Variants in YPEL3 observed in about 807,000 individuals in gnomAD.
The protein encoded by YPEL3 is protein yippee-like 3.
In YPEL3, 5 loss-of-function variants were observed where a neutral mutation model predicts 17.5. The ratio of observed to expected loss-of-function variants is 0.29; its 90% CI spans 0.15 to 0.60. The LOEUF (loss-of-function observed/expected upper bound fraction) is 0.60, where lower values mean the gene tolerates loss of function less well. Ranked by LOEUF, YPEL3 falls within the 20% of genes least tolerant of loss-of-function variation. The pLI, the probability that YPEL3 is intolerant of heterozygous loss-of-function variation, is 0.87. For synonymous variants in YPEL3, 87 were observed against 87.2 expected, an observed-to-expected ratio of 1.00 and a Z score of 0.01; for missense variants, 155 against 211.4, an observed-to-expected ratio of 0.73 and a Z score of 1.65.
chr16:30,095,550 C>T lies in YPEL3; in HGVS notation c.-68G>A, dbSNP rs1029135304. On this transcript the variant is annotated 5_prime_UTR_variant, in exon 1 of 4. It introduces an in-frame stop codon into an upstream open reading frame of the 5' UTR. Coordinates refer to ENST00000398841, the MANE Select transcript of YPEL3 (RefSeq NM_031477.5). This position sits in a 1 kb window ranked among gnomAD's most constrained non-coding sequence, Gnocchi z 5.4. ...GGGCTGCTCTCTCCTTTCCCCAGAG[C>T]CAGCAGCCTCTCCGGGGACCAGAGG... is the stretch of plus-strand genomic sequence containing the variant. 5 of 1,322,816 alleles carry T rather than the reference C, an allele frequency of 3.8e-6. No individual in the cohort carries two copies. The South Asian group carries it at 6.2e-5, about 16-fold the overall frequency. 81.9% of individuals were successfully genotyped at this position (1,322,816 alleles called of 1,614,324 possible).
rs1372844444 is a variant in YPEL3 at position 30,095,935 on chromosome 16, T to G, written c.-453A>C. The G allele has an allele frequency of 1.4e-5, 2 of 146,444 alleles. No individual in the cohort carries two copies. Among genetic ancestry groups the G allele is most frequent in the African/African-American group, 2.6e-5 (1 of 38,126 alleles). The allele number at this position is 146,444 out of a possible 1,614,324, so 9.1% of individuals were successfully genotyped here. A position where few individuals can be genotyped will look rare whatever the true frequency, so the allele number is the denominator to read the frequency against. Reference sequence around the variant, plus strand: ...GCTCTCACCTGCGGGCGCCAAGGCCTCCTCTACGCTCAGGGGCTCTTACCT... The same window carrying G: ...GCTCTCACCTGCGGGCGCCAAGGCCGCCTCTACGCTCAGGGGCTCTTACCT... On this transcript the variant is annotated 5_prime_UTR_variant, in exon 1 of 4. Transcript: ENST00000398841. This position sits in a 1 kb window ranked among gnomAD's most constrained non-coding sequence, Gnocchi z 5.4.
Position 30,095,742 on chromosome 16 carries a change from A to G in YPEL3, c.-260T>C. ...TGGAGGGGCTGGGCTGTCAGTTCCC[A>G]GTTTCGGGGGAGCATGGGCGGGTAG... is the stretch of plus-strand genomic sequence containing the variant. On this transcript the variant is annotated 5_prime_UTR_variant, in exon 1 of 4. Transcript: ENST00000398841. The surrounding 1 kb of genome is among the most constrained non-coding windows in gnomAD (Gnocchi z 5.4). The G allele has an allele frequency of 2.2e-6, 1 of 464,978 alleles. No homozygotes were observed. The highest frequency in any genetic ancestry group is 3.8e-6 in the Non-Finnish European group (1 of 262,462). The allele number at this position is 464,978 out of a possible 1,614,324, so 28.8% of individuals were successfully genotyped here. A position where few individuals can be genotyped will look rare whatever the true frequency, so the allele number is the denominator to read the frequency against.
chr16:30,094,743 A>T (rs757056564), intron 3 of YPEL3, 46 bp downstream of exon 3: 1 of 1,562,672 alleles, frequency 6.4e-7, no homozygotes, highest in Non-Finnish European at 8.8e-7. Flanking sequence ...GAGGTGTTGG[A>T]AGGTCAGGTC....
Position 30,092,339 on chromosome 16 carries a change from G to T in YPEL3, c.*371C>A, listed in dbSNP as rs567570907. On this transcript the variant is annotated 3_prime_UTR_variant, in exon 4 of 4. Transcript: ENST00000398841. ...TGTCTCCACTCCATTGTTTTATTAT[G>T]TACAAACGCTACAGAACGAGGGGGA... 2 of 232,244 alleles carry T rather than the reference G, an allele frequency of 8.6e-6. No homozygotes were observed. Among genetic ancestry groups the T allele is most frequent in the South Asian group, 1.4e-4 (2 of 14,638 alleles). The allele number at this position is 232,244 out of a possible 1,614,324, so 14.4% of individuals were successfully genotyped here.
At position 30,092,793 on chromosome 16, in the gene YPEL3, C is replaced by T. The variant is rs1295542567; in HGVS notation, c.391G>A (p.Ala131Thr). 6.2e-7 allele frequency: 1 copy of T among 1,614,140 alleles called. No individual in the cohort carries two copies. Among genetic ancestry groups the T allele is most frequent in the Middle Eastern group, 1.6e-4 (1 of 6,062 alleles). The change falls in exon 4 of 4, where the codon GCC becomes ACC. Residue 131 changes from alanine to threonine, a missense_variant. This residue lies in a region of YPEL3 where 74 missense variants were observed against 134.9 expected (regional missense o/e 0.55). Transcript: ENST00000398841. The stretch of plus-strand genomic sequence containing the variant: ...TTGTACTTCTGGCTGCTCTCAAAGG[C>T]CTGTTCCTGAAAGGAGGGGCGGGAC... Reference protein sequence around the residue: ...KTTLGWKYEQAFESSQKYKEG... With the variant: ...KTTLGWKYEQTFESSQKYKEG...
intron 2 of YPEL3, 66 bp from the exon 3 acceptor site, chr16:30,094,963 G>A (rs1194029913): frequency 4.4e-6 from 7 of 1,598,600 alleles, no homozygotes; most frequent in Non-Finnish European, 6.0e-6. Context: ...CTCAAGCACT[G>A]TGTCTGTCCT....
At chr16:30,094,657 T>A in intron 3 of YPEL3, 132 bp downstream of exon 3, 2 of 828,860 alleles carry the variant, frequency 2.4e-6, no homozygotes, top group South Asian at 2.8e-5. Flanking sequence ...ATAAAGAGAA[T>A]GTGGTCAGGG....
In YPEL3 at chr16:30,092,636, C is replaced by T; in HGVS notation, c.*74G>A. On this transcript the variant is annotated 3_prime_UTR_variant, in exon 4 of 4. Transcript: ENST00000398841. ...GGCTCTGAGGGTCCAGAGCTCCCTT[C>T]GGGTGGCGGGAAGCCAGTGGCGCTC... 1.4e-6 allele frequency: 2 copies of T among 1,430,020 alleles called. No individual in the cohort carries two copies. The highest frequency in any genetic ancestry group is 1.1e-5 in the South Asian group (1 of 87,068). The allele number at this position is 1,430,020 out of a possible 1,614,324, so 88.6% of individuals were successfully genotyped here. A position where few individuals can be genotyped will look rare whatever the true frequency, so the allele number is the denominator to read the frequency against.
Position 30,095,176 on chromosome 16 carries a change from G to A in YPEL3, c.232-30C>T, listed in dbSNP as rs755535511. ...AGGGTGAGAGGGTGGGAAGAGAGGA[G>A]GGGGTCAGGGCTGCCGGTGGGGAGC... On this transcript the variant is annotated intron_variant, in intron 1 of 3. Transcript: ENST00000398841. The surrounding 1 kb of genome is among the most constrained non-coding windows in gnomAD (Gnocchi z 5.4). The A allele has an allele frequency of 1.2e-6, 2 of 1,614,130 alleles. No individual in the cohort carries two copies. The highest frequency in any genetic ancestry group is 2.2e-5 in the South Asian group (2 of 91,086).
At position 30,092,649 on chromosome 16, in the gene YPEL3, G is replaced by C; in HGVS notation, c.*61C>G. 1 of 1,544,798 alleles carries C rather than the reference G, an allele frequency of 6.5e-7. No individual in the cohort carries two copies. The highest frequency in any genetic ancestry group is 1.1e-5 in the South Asian group (1 of 89,638). On this transcript the variant is annotated 3_prime_UTR_variant, in exon 4 of 4. Transcript: ENST00000398841. ...CAGAGCTCCCTTCGGGTGGCGGGAA[G>C]CCAGTGGCGCTCCCTGGCGGCCAGG... is the stretch of plus-strand genomic sequence containing the variant.
intron 3 of YPEL3, 137 bp downstream of exon 3, chr16:30,094,652 G>C (rs1325696941): frequency 1.8e-5 from 15 of 812,080 alleles, no homozygotes; most frequent in Admixed American, 7.9e-5. Context: ...GCAAGATAAA[G>C]AGAATGTGGT....
chr16:30,092,720 C>A lies in YPEL3; in HGVS notation c.464G>T (p.Gly155Val). ...IELNHMIKDN[G>V]WD ...TCGGGGGAGCGGGGGTCAGTCCCAG[C>A]CGTTGTCTTTGATCATGTGGTTGAG... The change falls in exon 4 of 4, where the codon GGC becomes GTC. Residue 155 changes from glycine to valine, a missense_variant. Gly to Val is a moderately radical substitution (Grantham distance 109, BLOSUM62 -3). Transcript: ENST00000398841. The A allele has an allele frequency of 6.2e-7, 1 of 1,614,160 alleles. No individual in the cohort carries two copies. The highest frequency in any genetic ancestry group is 8.5e-7 in the Non-Finnish European group (1 of 1,180,020).
In YPEL3 at chr16:30,092,526, G is replaced by A. The variant is rs1365074110; in HGVS notation, c.*184C>T. The A allele has an allele frequency of 1.2e-5, 7 of 580,666 alleles. No homozygotes were observed. In the South Asian group the frequency reaches 1.6e-4, roughly 14 times the overall value. The allele number at this position is 580,666 out of a possible 1,614,324, so 36.0% of individuals were successfully genotyped here. A position where few individuals can be genotyped will look rare whatever the true frequency, so the allele number is the denominator to read the frequency against. On this transcript the variant is annotated 3_prime_UTR_variant, in exon 4 of 4. Coordinates refer to ENST00000398841, the MANE Select transcript of YPEL3 (RefSeq NM_031477.5). Reference sequence around the variant, plus strand: ...CAGCCAGATCGCAGGAGGTGCGGGGGCGTCGTCCCCCTTCTGTTCTCCCCC... The same window carrying A: ...CAGCCAGATCGCAGGAGGTGCGGGGACGTCGTCCCCCTTCTGTTCTCCCCC...
At position 30,092,691 on chromosome 16, in the gene YPEL3, T is replaced by C; in HGVS notation, c.*19A>G. ...GCGGCCAGGCCGGGCTGGAGCCACA[T>C]GCGTCGGGGGAGCGGGGGTCAGTCC... On this transcript the variant is annotated 3_prime_UTR_variant, in exon 4 of 4. Transcript: ENST00000398841. 1 of 1,613,402 alleles carries C rather than the reference T, an allele frequency of 6.2e-7. No homozygotes were observed. The highest frequency in any genetic ancestry group is 1.1e-5 in the South Asian group (1 of 91,054).
chr16:30,095,417 G>A lies in YPEL3; in HGVS notation c.66C>T (p.Cys22=). ...LPPRQALGSL[C]SPWAAPRVGP... ...CCACGCGGGGAGCGGCCCACGGGGA[G>A]CAGAGGGAGCCCAGTGCCTGCCGGG... Residue 22 remains cysteine (C), a synonymous_variant, in exon 1 of 4, where the codon TGC becomes TGT. Transcript: ENST00000398841. The surrounding 1 kb of genome is among the most constrained non-coding windows in gnomAD (Gnocchi z 5.4). The A allele has an allele frequency of 6.2e-7, 1 of 1,608,164 alleles. No homozygotes were observed. Among genetic ancestry groups the A allele is most frequent in the Non-Finnish European group, 8.5e-7 (1 of 1,177,042 alleles).
At chr16:30,092,975 CTTT>C (rs960469517) in intron 3 of YPEL3, among the ~76,000 whole-genome samples, 176 bp from the exon 4 acceptor site, 1 of 152,118 alleles carries the variant, frequency 6.6e-6, no homozygotes, top group Non-Finnish European at 1.5e-5. Flanking sequence ...CTCAAAGGTA[CTTT>C]TTTAAGTACT....
chr16:30,092,575 A>AAT lies in YPEL3; in HGVS notation c.*133_*134dup. 2.8e-6 allele frequency: 2 copies of AAT among 724,834 alleles called. No homozygotes were observed. Among genetic ancestry groups the AAT allele is most frequent in the South Asian group, 1.8e-5 (1 of 55,448 alleles). The allele number at this position is 724,834 out of a possible 1,614,324, so 44.9% of individuals were successfully genotyped here. On this transcript the variant is annotated 3_prime_UTR_variant, in exon 4 of 4. Coordinates refer to ENST00000398841, the MANE Select transcript of YPEL3 (RefSeq NM_031477.5). ...CCCAAGGTCACAGTGCATGCAATAA[A>AAT]ATATATATACAGGAGCTAGATCCGT...
chr16:30,095,447 G>A lies in YPEL3; in HGVS notation c.36C>T (p.Leu12=), dbSNP rs1463338397. 4 of 1,580,538 alleles carry A rather than the reference G, an allele frequency of 2.5e-6. No individual in the cohort carries two copies. Among genetic ancestry groups the A allele is most frequent in the Non-Finnish European group, 2.6e-6 (3 of 1,163,878 alleles). Residue 12 remains leucine, a synonymous_variant, in exon 1 of 4, where the codon CTC becomes CTT. Coordinates refer to ENST00000398841, the MANE Select transcript of YPEL3 (RefSeq NM_031477.5). This position sits in a 1 kb window ranked among gnomAD's most constrained non-coding sequence, Gnocchi z 5.4. ...GGGAGCCCAGTGCCTGCCGGGGAGG[G>A]AGTAGGTGGGCTGTCAGGACCTGGG... The part of the protein sequence containing the change: ...CVAQVLTAHL[L]PPRQALGSLC...
In YPEL3 at chr16:30,092,598, C is replaced by G. The variant is rs1246010808; in HGVS notation, c.*112G>C. 1.5e-5 allele frequency: 14 copies of G among 931,522 alleles called. No homozygotes were observed. Among genetic ancestry groups the G allele is most frequent in the Non-Finnish European group, 2.4e-5 (14 of 585,256 alleles). The allele number at this position is 931,522 out of a possible 1,614,324, so 57.7% of individuals were successfully genotyped here. ...AAAATATATATACAGGAGCTAGATC[C>G]GTCCTCTGCAGGGGCTCTGAGGGTC... On this transcript the variant is annotated 3_prime_UTR_variant, in exon 4 of 4. Transcript: ENST00000398841.
Sources: gnomAD v4.1 joint callset for allele counts (sites outside exome capture counted in the v4.1 genomes callset) on GRCh38, gnomAD v4.1.1 for gene constraint, gnomAD v4.1.1 regional missense constraint, Gnocchi (gnomAD v3.1) non-coding constraint, MANE v1.5 for transcripts, NCBI Gene and HGNC (gene_info 2026-07-23, HGNC 2026-07-21) for gene names.